CADM1: variants seen among roughly 807,000 people sequenced by gnomAD.
The protein encoded by CADM1 is TSLC-1.
A neutral mutation model predicts 53.1 loss-of-function variants in CADM1; 15 were observed. The observed-to-expected ratio is 0.28, with a 90% CI of 0.19 to 0.44. The LOEUF is 0.44. Ranked by LOEUF, CADM1 falls within the 20% of genes least tolerant of loss-of-function variation. The pLI is 1.00. For synonymous variants in CADM1, 281 were observed against 243.0 expected (o/e 1.16, Z -1.45); for missense variants, 434 against 611.3 (o/e 0.71, Z 3.06).
At chr11:115,268,166 G>A (rs182489250) in intron 1 of CADM1, among the ~76,000 whole-genome samples, 5 of 152,284 alleles carry the variant, frequency 3.3e-5, no homozygotes, top group South Asian at 2.1e-4. Context: ...TATTTGTGAC[G>A]CAGCTGGCTT....
intron 1 of CADM1, among the ~76,000 whole-genome samples, chr11:115,346,612 T>A (rs1555070310): frequency 6.6e-6 from 1 of 152,072 alleles, no homozygotes; most frequent in Non-Finnish European, 1.5e-5. Context: ...TTTGTTGGGG[T>A]GAGTAACAGA....
At chr11:115,448,521 G>C (rs1014743533) in intron 1 of CADM1, among the ~76,000 whole-genome samples, 10 of 151,960 alleles carry the variant, frequency 6.6e-5, no homozygotes, top group African/African-American at 2.4e-4. Context: ...GAATCAAATT[G>C]ATTAATATAT....
At chr11:115,217,671 G>T (rs1941244581) in intron 6 of CADM1, among the ~76,000 whole-genome samples, 1 of 152,164 alleles carries the variant, frequency 6.6e-6, no homozygotes, top group Admixed American at 6.5e-5. Context: ...AATTAGCTGA[G>T]ATTTCAATCT....
intron 1 of CADM1, among the ~76,000 whole-genome samples, chr11:115,262,373 A>G (rs1263677787): frequency 1.3e-5 from 2 of 152,226 alleles, no homozygotes; most frequent in Non-Finnish European, 2.9e-5. Context: ...TGTTCGTCCC[A>G]TAGAAAACAC....
chr11:115,451,531 A>T (rs1948572125), intron 1 of CADM1, among the ~76,000 whole-genome samples: 1 of 152,236 alleles, frequency 6.6e-6, no homozygotes, highest in Admixed American at 6.5e-5. Flanking sequence ...CCTAAACTTC[A>T]GTAAGTTGTA....
At position 115,176,090 on chromosome 11, in the gene CADM1, G is replaced by C; in HGVS notation, c.*384C>G. On this transcript the variant is annotated 3_prime_UTR_variant, in exon 12 of 12. Coordinates refer to ENST00000331581, the MANE Select transcript of CADM1 (RefSeq NM_001301043.2). ...GCAAATTCCAAAATGGGAGATTTTG[G>C]AAAAAATCCGAAATTGGGGTAGAGG... 9.3e-7 allele frequency: 1 copy of C among 1,071,058 alleles called. No individual in the cohort carries two copies. Among genetic ancestry groups the C allele is most frequent in the Non-Finnish European group, 1.1e-6 (1 of 881,322 alleles). The allele number at this position is 1,071,058 out of a possible 1,614,324, so 66.3% of individuals were successfully genotyped here. A position where few individuals can be genotyped will look rare whatever the true frequency, so the allele number is the denominator to read the frequency against.
intron 5 of CADM1, among the ~76,000 whole-genome samples, chr11:115,221,883 A>G (rs1269877495): frequency 2.0e-5 from 3 of 152,120 alleles, no homozygotes; most frequent in Non-Finnish European, 4.4e-5. Context: ...TTATCCCTGG[A>G]GTCCCCACAA....
chr11:115,233,911 A>G (rs1941917656), intron 3 of CADM1, among the ~76,000 whole-genome samples: 1 of 152,206 alleles, frequency 6.6e-6, no homozygotes, highest in Admixed American at 6.5e-5. Flanking sequence ...AACCCGGGAA[A>G]TCCCTAGGGA....
chr11:115,503,245 C>T (rs1411484978), intron 1 of CADM1, among the ~76,000 whole-genome samples: 1 of 152,222 alleles, frequency 6.6e-6, no homozygotes, highest in African/African-American at 2.4e-5. Flanking sequence ...TCTTTCCCGA[C>T]CGCGCCAACG....
At chr11:115,461,096 C>T (rs907379877) in intron 1 of CADM1, among the ~76,000 whole-genome samples, 1 of 151,772 alleles carries the variant, frequency 6.6e-6, no homozygotes, top group African/African-American at 2.4e-5. Flanking sequence ...GTACCTGGTA[C>T]TGTGCAATGG....
At position 115,173,659 on chromosome 11, in the gene CADM1, GAC is replaced by G. The variant is rs1056145441; in HGVS notation, c.*2813_*2814del. 1.4e-5 allele frequency: 6 copies of G among 417,884 alleles called. No homozygotes were observed. The highest frequency in any genetic ancestry group is 6.5e-5 in the Admixed American group (1 of 15,444). The allele number at this position is 417,884 out of a possible 1,614,324, so 25.9% of individuals were successfully genotyped here. On this transcript the variant is annotated 3_prime_UTR_variant, in exon 12 of 12. Coordinates refer to ENST00000331581, the MANE Select transcript of CADM1 (RefSeq NM_001301043.2). ...AACATTAATTTTTTTTTATTAAGAA[GAC>G]AGATATTTTATAGTACTTCTTTTTT...
rs545694228 is a variant in CADM1 at position 115,416,455 on chromosome 11, A to G, written c.124+87816T>C. ...AGTAAACTCAAGTAGCACAAATCACATCTAGTATTCTTGTAGACTCTCCTT... is the reference window on the plus strand; with the variant it reads ...AGTAAACTCAAGTAGCACAAATCACGTCTAGTATTCTTGTAGACTCTCCTT... On this transcript the variant is annotated intron_variant, in intron 1 of 11. Coordinates refer to ENST00000331581, the MANE Select transcript of CADM1 (RefSeq NM_001301043.2). Among the ~76,000 whole-genome samples, 217 of 152,244 alleles carry G rather than the reference A, an allele frequency of 1.4e-3. 1 individual carries two copies. Among genetic ancestry groups the G allele is most frequent in the African/African-American group, 5.1e-3 (211 of 41,548 alleles).
chr11:115,210,129 T>C (rs1940891030), intron 7 of CADM1, among the ~76,000 whole-genome samples: 1 of 152,200 alleles, frequency 6.6e-6, no homozygotes, highest in South Asian at 2.1e-4. Context: ...ACTGTTAACT[T>C]CATTATTCTC....
intron 1 of CADM1, among the ~76,000 whole-genome samples, chr11:115,248,445 G>C (rs1226595777): frequency 6.6e-6 from 1 of 152,180 alleles, no homozygotes; most frequent in Non-Finnish European, 1.5e-5. Context: ...AGGAAGAGGT[G>C]CAATTCTCTC....
chr11:115,492,241 G>A (rs978406404), intron 1 of CADM1, among the ~76,000 whole-genome samples: 1 of 152,102 alleles, frequency 6.6e-6, no homozygotes, highest in Admixed American at 6.5e-5. Context: ...AAGGCTGTGT[G>A]AAAGTTTAAG....
intron 1 of CADM1, among the ~76,000 whole-genome samples, chr11:115,315,088 C>T (rs1293224674): frequency 6.6e-6 from 1 of 152,122 alleles, no homozygotes; most frequent in Non-Finnish European, 1.5e-5. Context: ...TGCTTTGAAT[C>T]ATTTCAAAGT....
At chr11:115,304,175 A>T (rs1207152128) in intron 1 of CADM1, among the ~76,000 whole-genome samples, 2 of 152,078 alleles carry the variant, frequency 1.3e-5, no homozygotes, top group African/African-American at 4.8e-5. Context: ...GATTTTAAAA[A>T]ATGGATCTTT....
chr11:115,218,253 GT>G, intron 5 of CADM1: 1 of 450,238 alleles, frequency 2.2e-6, no homozygotes, highest in South Asian at 2.1e-5. Flanking sequence ...AATACATTTT[GT>G]TACACTGAAG....
chr11:115,201,893 A>G (rs541448448), intron 8 of CADM1, among the ~76,000 whole-genome samples: 11 of 152,306 alleles, frequency 7.2e-5, no homozygotes, highest in African/African-American at 2.6e-4. Flanking sequence ...AAGAAAAAAC[A>G]ATCCCATCTT....
Sources: allele counts gnomAD v4.1 joint callset (sites outside exome capture counted in the v4.1 genomes callset), GRCh38; gene constraint gnomAD v4.1.1; transcripts MANE v1.5; gene names NCBI Gene and HGNC (gene_info 2026-07-23, HGNC 2026-07-21).